The following EPG5 variants were observed in gnomAD, a reference collection of about 807,000 sequenced individuals.
The protein encoded by EPG5 is ectopic P-granules 5 autophagy tethering factor, also known as ectopic P granules protein 5 homolog.
A neutral mutation model predicts 302.7 loss-of-function variants in EPG5; 159 were observed. That is an observed-to-expected ratio of 0.53 (90% CI 0.46 to 0.60). The LOEUF is 0.60. Ranked by LOEUF, EPG5 falls within the 20% of genes least tolerant of loss-of-function variation. The pLI is 0.00. For missense variants in EPG5, 2,896 were observed against 3,092.4 expected, an observed-to-expected ratio of 0.94 and a Z score of 1.51; for synonymous variants, 1,158 against 1,136.8, an observed-to-expected ratio of 1.02 and a Z score of -0.37.
At position 45,895,363 on chromosome 18, in the gene EPG5, CAGGATTATCAACATATGAGTAAAT is replaced by C. The variant is rs1420684835; in HGVS notation, c.4809+4017_4809+4040del. 2.6e-5 allele frequency among the ~76,000 whole-genome samples: 4 copies of C among 152,170 alleles called. No homozygotes were observed. The East Asian group carries it at 7.7e-4, about 29-fold the overall frequency. On this transcript the variant is annotated intron_variant, in intron 27 of 43. Coordinates refer to ENST00000282041, the MANE Select transcript of EPG5 (RefSeq NM_020964.3). Reference sequence around the variant, plus strand: ...AGAATTCTGGACTAGAGAAACAGAACAGGATTATCAACATATGAGTAAATAGCTCTTTTGTTCGTTTTGAACTAT... The same window carrying C: ...AGAATTCTGGACTAGAGAAACAGAACAGCTCTTTTGTTCGTTTTGAACTAT...
At position 45,903,953 on chromosome 18, in the gene EPG5, C is replaced by T. The variant is rs756686006; in HGVS notation, c.4474+20G>A. 4.4e-6 allele frequency: 7 copies of T among 1,590,128 alleles called. No individual in the cohort carries two copies. The Admixed American group carries it at 7.7e-5, about 18-fold the overall frequency. ...TCATTCATTCACTCATTCGAAGGGG[C>T]AGGTGCTCCCAGGACCCACCCAGCA... On this transcript the variant is annotated intron_variant, in intron 25 of 43. Transcript: ENST00000282041.
intron 39 of EPG5, among the ~76,000 whole-genome samples, chr18:45,862,654 T>C (rs1026879541): frequency 2.0e-5 from 3 of 152,336 alleles, no homozygotes; most frequent in East Asian, 3.9e-4. Context: ...ATGTGGAGTG[T>C]TACTCTCACT....
At position 45,917,797 on chromosome 18, in the gene EPG5, C is replaced by G; in HGVS notation, c.3121G>C (p.Gly1041Arg). The change falls in exon 17 of 44, where the codon GGC becomes CGC. Residue 1041 changes from glycine (G) to arginine (R), a missense_variant. Gly to Arg is a moderately radical substitution (Grantham distance 125). This residue lies in a region of EPG5 where 1,390 missense variants were observed against 1,430.0 expected (regional missense o/e 0.97). Transcript: ENST00000282041. ...ACCAGAATTCCCAATAGTGGGATGC[C>G]TTCTGCACAGAACTTCTCAATGCTA... Reference protein sequence around the residue: ...GHSIEKFCAEGIPLLGILVQS... With the variant: ...GHSIEKFCAERIPLLGILVQS... 1 of 1,614,128 alleles carries G rather than the reference C, an allele frequency of 6.2e-7. No individual in the cohort carries two copies. Among genetic ancestry groups the G allele is most frequent in the Non-Finnish European group, 8.5e-7 (1 of 1,179,994 alleles).
At chr18:45,846,887 GAA>G (rs763697199), downstream of EPG5, among the ~76,000 whole-genome samples, 1 of 152,214 alleles carries the variant, frequency 6.6e-6, no homozygotes, top group Non-Finnish European at 1.5e-5. Flanking sequence ...GCTGTCTTCA[GAA>G]GAGAAGCATT....
At chr18:45,817,773 T>C in the EPG5 span, among the ~76,000 whole-genome samples, 5 of 152,242 alleles carry the variant, frequency 3.3e-5, no homozygotes, top group South Asian at 8.3e-4. Context: ...GGAAGCCACA[T>C]TGACGTTTAT....
chr18:45,840,155 C>T, the EPG5 span: 1 of 1,599,810 alleles, frequency 6.3e-7, no homozygotes, highest in Non-Finnish European at 8.5e-7. Context: ...GGTGGGCGCA[C>T]AGGCTGCAGA....
intron 35 of EPG5, among the ~76,000 whole-genome samples, chr18:45,874,973 T>C (rs2048940939): frequency 6.6e-6 from 1 of 152,194 alleles, no homozygotes; most frequent in Non-Finnish European, 1.5e-5. Flanking sequence ...ATATTCTTAC[T>C]GAAAGGGTAG....
chr18:45,867,574 C>A lies in EPG5; in HGVS notation c.6400G>T (p.Val2134Leu), dbSNP rs764063278. The A allele has an allele frequency of 1.9e-6, 3 of 1,613,662 alleles. No individual in the cohort carries two copies. The Admixed American group carries it at 5.0e-5, about 27-fold the overall frequency. ...CTTCCCAAACTTACTGTTTGGTCTACCAGTTGAACTTCCTTTGCCAATAAA... is the reference window on the plus strand; with the variant it reads ...CTTCCCAAACTTACTGTTTGGTCTAACAGTTGAACTTCCTTTGCCAATAAA... ...MILLAKEVQL[V>L]DQTDSPLLSL... Residue 2134 changes from valine to leucine, a missense_variant, in exon 37 of 44, where the codon GTA becomes TTA. Physicochemically the swap from Val to Leu is conservative, Grantham distance 32 (BLOSUM62 1). Around this residue, in one of 5 missense-constraint regions of EPG5, gnomAD observed 620 missense variants for 704.2 expected, o/e 0.88. Transcript: ENST00000282041.
At chr18:45,816,408 A>C in the EPG5 span, among the ~76,000 whole-genome samples, 2 of 152,208 alleles carry the variant, frequency 1.3e-5, no homozygotes, top group Non-Finnish European at 2.9e-5. Flanking sequence ...TCCCGAATCT[A>C]CAATAAACTC....
chr18:45,916,843 C>T, intron 17 of EPG5: 1 of 244,366 alleles, frequency 4.1e-6, no homozygotes, highest in Non-Finnish European at 8.1e-6. Context: ...GGAAAAACAC[C>T]CAAAGGCACC....
chr18:45,838,454 G>A, the EPG5 span: 5 of 529,678 alleles, frequency 9.4e-6, no homozygotes, highest in Non-Finnish European at 1.3e-5. Context: ...CCTAGTCCAA[G>A]CACCCACAAG....
At chr18:45,927,266 C>T (rs2050293297) in intron 13 of EPG5, among the ~76,000 whole-genome samples, 1 of 152,136 alleles carries the variant, frequency 6.6e-6, no homozygotes, top group African/African-American at 2.4e-5. Flanking sequence ...GTCTCGATCT[C>T]CTGACCTCGT....
chr18:45,916,772 C>A, intron 17 of EPG5, 190 bp from the exon 18 acceptor site: 1 of 514,730 alleles, frequency 1.9e-6, no homozygotes, highest in Non-Finnish European at 3.4e-6. Context: ...TCTATCTACC[C>A]ACAGAGGTAT....
chr18:45,923,198 AT>A, intron 15 of EPG5, 69 bp downstream of exon 15: 1 of 1,541,246 alleles, frequency 6.5e-7, no homozygotes, highest in Non-Finnish European at 8.8e-7. Flanking sequence ...GTATAAGTCT[AT>A]CATCTTTATT....
chr18:45,888,317 A>T (rs185234535), intron 28 of EPG5, among the ~76,000 whole-genome samples: 6,434 of 149,874 alleles, frequency 0.043, 405 homozygotes, highest in African/African-American at 0.14. Flanking sequence ...TTATTTATTT[A>T]TTTTTTGACG....
At chr18:45,907,738 T>A in intron 24 of EPG5, 1 of 411,514 alleles carries the variant, frequency 2.4e-6, no homozygotes, top group Non-Finnish European at 4.2e-6. Context: ...TAGAACAAGC[T>A]TCAAGCCTTC....
chr18:45,911,902 A>G (rs1417453733), intron 22 of EPG5, among the ~76,000 whole-genome samples: 1 of 152,192 alleles, frequency 6.6e-6, no homozygotes, highest in Non-Finnish European at 1.5e-5. Context: ...GGTGACAGAC[A>G]AAGCCTGGCC....
Position 45,958,425 on chromosome 18 carries a change from C to T in EPG5, c.64-3087G>A, listed in dbSNP as rs187119167. ...AACTCGCACTTGGCAATTCCAAAAT[C>T]TACTACAAAGTACAGTAATAAAGAC... On this transcript the variant is annotated intron_variant, in intron 1 of 43. Transcript: ENST00000282041. Among the ~76,000 whole-genome samples, 13 of 152,278 alleles carry T rather than the reference C, an allele frequency of 8.5e-5. No individual in the cohort carries two copies. The East Asian group carries it at 2.5e-3, about 29-fold the overall frequency.
chr18:45,897,816 A>C (rs1247026798), intron 27 of EPG5, among the ~76,000 whole-genome samples: 1 of 152,242 alleles, frequency 6.6e-6, no homozygotes. Flanking sequence ...TGTAGAAAAG[A>C]GTCTCCCAAG....
Sources: gnomAD v4.1 joint callset for allele counts (sites outside exome capture counted in the v4.1 genomes callset) on GRCh38, gnomAD v4.1.1 for gene constraint, gnomAD v4.1.1 regional missense constraint, MANE v1.5 for transcripts, NCBI Gene and HGNC (gene_info 2026-07-23, HGNC 2026-07-21) for gene names.